PRPSAP1: variants seen among roughly 807,000 people sequenced by gnomAD.
The protein encoded by PRPSAP1 is phosphoribosyl pyrophosphate synthetase associated protein 1, also known as phosphoribosyl pyrophosphate synthase-associated protein 1.
Under a neutral mutation model 39.4 loss-of-function variants are expected in PRPSAP1, and 31 were observed. The observed-to-expected ratio is 0.79, with a 90% confidence interval of 0.59 to 1.06. The LOEUF (loss-of-function observed/expected upper bound fraction) is 1.06. PRPSAP1 is among the 50% of genes least tolerant of loss of function. PRPSAP1 has a pLI of 0.00. For synonymous variants in PRPSAP1, 212 were observed against 192.6 expected (o/e 1.10, Z -0.83); for missense variants, 430 against 511.6 (o/e 0.84, Z 1.54).
intron 6 of PRPSAP1, 86 bp downstream of exon 6, chr17:76,329,957 G>T: frequency 1.5e-6 from 2 of 1,322,470 alleles, no homozygotes; most frequent in Non-Finnish European, 2.2e-6. Flanking sequence ...CAAAGGCCAC[G>T]AGTGACAGCC....
intron 7 of PRPSAP1, 69 bp downstream of exon 7, chr17:76,328,646 AAC>A (rs1567802542): frequency 3.7e-5 from 57 of 1,530,188 alleles, no homozygotes; most frequent in African/African-American, 1.8e-4. Flanking sequence ...ACAACAACAA[AAC>A]CAACAAAACC....
chr17:76,340,557 A>T (rs2071424636), intron 3 of PRPSAP1, among the ~76,000 whole-genome samples: 1 of 151,728 alleles, frequency 6.6e-6, no homozygotes, highest in African/African-American at 2.4e-5. Context: ...ATCACAAAGG[A>T]CACTAACAAT....
chr17:76,344,344 T>C (rs1007039568), intron 3 of PRPSAP1, among the ~76,000 whole-genome samples: 2 of 152,226 alleles, frequency 1.3e-5, no homozygotes, highest in Non-Finnish European at 2.9e-5. Flanking sequence ...TTAGCCAGGA[T>C]GGTCTCGATC....
rs569026500 is a variant in PRPSAP1, at chr17:76,312,545, A to C, written c.999+325T>G. Among the ~76,000 whole-genome samples the C allele has an allele frequency of 2.6e-5, 4 of 152,360 alleles. No homozygotes were observed. The East Asian group carries it at 7.7e-4, about 29-fold the overall frequency. ...CAGTTACATTAGACTGCAGGTGGCA[A>C]AATCATCTAGGGCAAAGGCTTTCAT... On this transcript the variant is annotated intron_variant, in intron 9 of 9. Coordinates refer to ENST00000446526, the MANE Select transcript of PRPSAP1 (RefSeq NM_002766.3).
Position 76,312,974 on chromosome 17 carries a change from C to G in PRPSAP1, c.895G>C (p.Glu299Gln). 1 of 1,614,038 alleles carries G rather than the reference C, an allele frequency of 6.2e-7. No individual in the cohort carries two copies. The highest frequency in any genetic ancestry group is 8.5e-7 in the Non-Finnish European group (1 of 1,180,038). Reference protein sequence around the residue: ...DDVESFVAAAEILKERGAYKI... With the variant: ...DDVESFVAAAQILKERGAYKI... ...TAGGCGCCTCTCTCTTTCAGGATCT[C>G]CGCGGCAGCAACAAAACTCTCCACA... Residue 299 changes from glutamate (E) to glutamine (Q), a missense_variant, in exon 9 of 10, where the codon GAG becomes CAG. Glu to Gln is a conservative substitution (Grantham distance 29). Transcript: ENST00000446526.
intron 3 of PRPSAP1, among the ~76,000 whole-genome samples, chr17:76,341,289 G>C (rs1255646442): frequency 2.1e-5 from 3 of 144,682 alleles, no homozygotes; most frequent in Non-Finnish European, 4.5e-5. Context: ...CCAGGTTAGA[G>C]TAGAGTGGTG....
intron 3 of PRPSAP1, among the ~76,000 whole-genome samples, chr17:76,335,273 C>T (rs1331218688): frequency 6.6e-6 from 1 of 151,240 alleles, no homozygotes; most frequent in African/African-American, 2.4e-5. Context: ...TAAACCAGAA[C>T]CCAATATCCA....
intron 7 of PRPSAP1, among the ~76,000 whole-genome samples, chr17:76,325,798 C>G (rs774129905): frequency 6.6e-6 from 1 of 151,710 alleles, no homozygotes; most frequent in Non-Finnish European, 1.5e-5. Flanking sequence ...AGTAGAGACG[C>G]GATTTCACAG....
Position 76,330,542 on chromosome 17 carries a change from G to A in PRPSAP1, c.579+9C>T. 6.4e-7 allele frequency: 1 copy of A among 1,558,504 alleles called. No individual in the cohort carries two copies. Among genetic ancestry groups the A allele is most frequent in the Non-Finnish European group, 8.8e-7 (1 of 1,137,424 alleles). Reference sequence around the variant, plus strand: ...GAGGACAATGGGGTGTTTGCTGGTGGTTCCTCACTTCTTCCTGGATATACT... The same window carrying A: ...GAGGACAATGGGGTGTTTGCTGGTGATTCCTCACTTCTTCCTGGATATACT... On this transcript the variant is annotated intron_variant, in intron 5 of 9. Coordinates refer to ENST00000446526, the MANE Select transcript of PRPSAP1 (RefSeq NM_002766.3).
rs1393373571 is a variant in PRPSAP1, at chr17:76,348,597, A to G, written c.171-16T>C. The G allele has an allele frequency of 6.6e-7, 1 of 1,523,634 alleles. No homozygotes were observed. Among genetic ancestry groups the G allele is most frequent in the Non-Finnish European group, 8.7e-7 (1 of 1,147,354 alleles). 94.4% of individuals were successfully genotyped at this position (1,523,634 alleles called of 1,614,324 possible). A position where few individuals can be genotyped will look rare whatever the true frequency, so the allele number is the denominator to read the frequency against. ...ACCAAGGCGCCTATAGATCAAAAAGAACAAAAAAGGGAAATTAAGATTACT... is the reference window on the plus strand; with the variant it reads ...ACCAAGGCGCCTATAGATCAAAAAGGACAAAAAAGGGAAATTAAGATTACT... On this transcript the variant is annotated splice_polypyrimidine_tract_variant and intron_variant, in intron 1 of 9. Coordinates refer to ENST00000446526, the MANE Select transcript of PRPSAP1 (RefSeq NM_002766.3).
intron 7 of PRPSAP1, among the ~76,000 whole-genome samples, chr17:76,326,644 C>T (rs384593): frequency 0.99 from 150,265 of 152,318 alleles, 74,124 homozygotes; most frequent in East Asian, 1. Context: ...AAAGCAGCCA[C>T]TCCAGATTAA....
At chr17:76,323,864 G>A (rs1406737335) in intron 7 of PRPSAP1, among the ~76,000 whole-genome samples, 2 of 151,958 alleles carry the variant, frequency 1.3e-5, no homozygotes, top group Non-Finnish European at 1.5e-5. Flanking sequence ...TAGTTCTTTC[G>A]GCTGGGCGCA....
chr17:76,351,933 T>C (rs2143560742), intron 1 of PRPSAP1, among the ~76,000 whole-genome samples: 1 of 152,252 alleles, frequency 6.6e-6, no homozygotes, highest in East Asian at 1.9e-4. Context: ...AAGCTTCGTT[T>C]AAAGTCAGTG....
At chr17:76,332,776 A>G (rs2071336685) in intron 3 of PRPSAP1, among the ~76,000 whole-genome samples, 1 of 151,988 alleles carries the variant, frequency 6.6e-6, no homozygotes, top group Non-Finnish European at 1.5e-5. Flanking sequence ...CCTCCCAGGG[A>G]TTTGGGCTTA....
chr17:76,314,014 A>C, intron 7 of PRPSAP1, 123 bp from the exon 8 acceptor site: 2 of 985,698 alleles, frequency 2.0e-6, no homozygotes, highest in Non-Finnish European at 3.1e-6. Flanking sequence ...CAAACAAACC[A>C]TGCAAATTCC....
At chr17:76,330,258 C>A in intron 5 of PRPSAP1, 160 bp from the exon 6 acceptor site, 1 of 644,392 alleles carries the variant, frequency 1.6e-6, no homozygotes, top group Admixed American at 3.0e-5. Context: ...TATCAATTAA[C>A]ATCACTGGAA....
chr17:76,350,865 T>C (rs1486608482), intron 1 of PRPSAP1, among the ~76,000 whole-genome samples: 1 of 151,970 alleles, frequency 6.6e-6, no homozygotes, highest in African/African-American at 2.4e-5. Flanking sequence ...AAACCCCGTC[T>C]CTACTAAAAA....
chr17:76,349,902 A>G (rs985196807), intron 1 of PRPSAP1, among the ~76,000 whole-genome samples: 3 of 151,492 alleles, frequency 2.0e-5, no homozygotes, highest in African/African-American at 7.3e-5. Context: ...CCTGGGCAAC[A>G]TGGAAAAACC....
intron 9 of PRPSAP1, chr17:76,312,655 T>G (rs189183755): frequency 2.2e-6 from 1 of 459,734 alleles, no homozygotes; most frequent in African/African-American, 2.0e-5. Flanking sequence ...TGCAATGGTT[T>G]TGCATCATCA....
Sources: gnomAD v4.1 joint callset for allele counts (sites outside exome capture counted in the v4.1 genomes callset) on GRCh38, gnomAD v4.1.1 for gene constraint, MANE v1.5 for transcripts, NCBI Gene and HGNC (gene_info 2026-07-23, HGNC 2026-07-21) for gene names.